TRAPPC12: variants seen among roughly 807,000 people sequenced by gnomAD.
The protein encoded by TRAPPC12 is TPR repeat protein 15.
A neutral mutation model predicts 69.2 loss-of-function variants in TRAPPC12; 61 were observed. The ratio of observed to expected loss-of-function variants is 0.88; its 90% confidence interval spans 0.72 to 1.09. TRAPPC12 has a LOEUF of 1.09. Among genes scored for constraint, TRAPPC12 ranks in the 50% least tolerant of loss-of-function variants. The pLI is 0.00. For synonymous variants in TRAPPC12, 469 were observed against 438.9 expected, an observed-to-expected ratio of 1.07 and a Z score of -0.86; for missense variants, 1,101 against 1,016.4, an observed-to-expected ratio of 1.08 and a Z score of -1.13.
At chr2:3,465,341 G>A (rs1008928791) in intron 8 of TRAPPC12, among the ~76,000 whole-genome samples, 2 of 152,268 alleles carry the variant, frequency 1.3e-5, no homozygotes, top group South Asian at 2.1e-4. Flanking sequence ...CAACTAAACC[G>A]CGACAGCCCC....
intron 3 of TRAPPC12, among the ~76,000 whole-genome samples, chr2:3,402,336 A>T (rs1162617973): frequency 6.6e-6 from 1 of 152,212 alleles, no homozygotes; most frequent in Non-Finnish European, 1.5e-5. Context: ...TCACACCTGT[A>T]ATCCCAGCAC....
At chr2:3,412,704 C>T (rs936385300) in intron 3 of TRAPPC12, among the ~76,000 whole-genome samples, 1 of 152,150 alleles carries the variant, frequency 6.6e-6, no homozygotes, top group Non-Finnish European at 1.5e-5. Flanking sequence ...TCATCTAGAA[C>T]GGATTCATGT....
intron 6 of TRAPPC12, among the ~76,000 whole-genome samples, chr2:3,447,529 A>T (rs1037889831): frequency 5.9e-5 from 9 of 152,142 alleles, no homozygotes; most frequent in Admixed American, 3.3e-4. Context: ...AAGGTAACTA[A>T]CAGAGCCAGA....
At chr2:3,411,426 A>C (rs2103490856) in intron 3 of TRAPPC12, among the ~76,000 whole-genome samples, 1 of 152,312 alleles carries the variant, frequency 6.6e-6, no homozygotes, top group East Asian at 1.9e-4. Context: ...CTCCCTTCAC[A>C]AATAGCAAGT....
chr2:3,381,318 T>G (rs945007181), intron 1 of TRAPPC12, among the ~76,000 whole-genome samples: 2 of 152,254 alleles, frequency 1.3e-5, no homozygotes, highest in African/African-American at 4.8e-5. Flanking sequence ...GTAAAAGATA[T>G]GTTTACAGAG....
chr2:3,398,971 C>T (rs1263750740), intron 2 of TRAPPC12, among the ~76,000 whole-genome samples: 1 of 152,196 alleles, frequency 6.6e-6, no homozygotes, highest in African/African-American at 2.4e-5. Context: ...CCCTCCCCCT[C>T]CCACCTCCCC....
intron 4 of TRAPPC12, among the ~76,000 whole-genome samples, chr2:3,423,406 T>C (rs1452255560): frequency 1.3e-5 from 2 of 152,120 alleles, no homozygotes; most frequent in African/African-American, 2.4e-5. Context: ...ATTGTAACTG[T>C]GTCACCACGT....
intron 1 of TRAPPC12, among the ~76,000 whole-genome samples, chr2:3,387,308 T>C (rs776874922): frequency 7.2e-5 from 11 of 152,166 alleles, no homozygotes; most frequent in South Asian, 4.1e-4. Flanking sequence ...ATTCCACTTA[T>C]TTTATAGTAG....
At position 3,467,009 on chromosome 2, in the gene TRAPPC12, A is replaced by G. The variant is rs1398786294; in HGVS notation, c.1776+1314A>G. ...TTATTTCAGAGTCATATTTTGCACA[A>G]TTTGAGAAGTAGATGCTGAATTGCT... On this transcript the variant is annotated intron_variant, in intron 9 of 11. Transcript: ENST00000324266. Among the ~76,000 whole-genome samples the G allele has an allele frequency of 3.9e-5, 6 of 152,168 alleles. No homozygotes were observed. In the South Asian group the frequency reaches 6.2e-4, roughly 16 times the overall value.
chr2:3,477,583 G>A, intron 9 of TRAPPC12, 112 bp from the exon 10 acceptor site: 2 of 570,780 alleles, frequency 3.5e-6, no homozygotes, highest in Middle Eastern at 4.7e-4. Context: ...GTTTTCCTCT[G>A]CCTGACATAT....
chr2:3,445,536 T>C (rs1664460216), intron 6 of TRAPPC12, among the ~76,000 whole-genome samples: 2 of 152,220 alleles, frequency 1.3e-5, no homozygotes, highest in South Asian at 2.1e-4. Context: ...CAGACACCTT[T>C]GTTGCATTCA....
Position 3,477,695 on chromosome 2 carries a change from A to C in TRAPPC12, c.1777A>C (p.Ile593Leu), listed in dbSNP as rs1280842286. 16 of 1,601,070 alleles carry C rather than the reference A, an allele frequency of 1.0e-5. No individual in the cohort carries two copies. Among genetic ancestry groups the C allele is most frequent in the Non-Finnish European group, 1.3e-5 (15 of 1,174,022 alleles). The change falls in exon 10 of 12, where the codon ATT (isoleucine) becomes CTT (leucine). Residue 593 changes from isoleucine (I) to leucine (L), a missense_variant and splice_region_variant. Physicochemically the swap from Ile to Leu is conservative, Grantham distance 5. Coordinates refer to ENST00000324266, the MANE Select transcript of TRAPPC12 (RefSeq NM_016030.6). The part of the protein sequence containing the change: ...LSGIGRISLQ[I>L]GDIKTAEKYF... ...AACTGACTAAATTTTGTCAAAGCAG[A>C]TTGGAGACATAAAAACAGCTGAAAA... is the stretch of plus-strand genomic sequence containing the variant.
chr2:3,380,283 C>T (rs1409633978), intron 1 of TRAPPC12, among the ~76,000 whole-genome samples: 1 of 152,096 alleles, frequency 6.6e-6, no homozygotes, highest in East Asian at 1.9e-4. Context: ...ATTCACCCTC[C>T]CGCGGAAAGA....
At chr2:3,432,889 G>T (rs937265652) in intron 5 of TRAPPC12, among the ~76,000 whole-genome samples, 1 of 152,240 alleles carries the variant, frequency 6.6e-6, no homozygotes, top group Non-Finnish European at 1.5e-5. Context: ...GCCACACGTG[G>T]ATTGCACATG....
At chr2:3,398,325 T>C (rs923313492) in intron 2 of TRAPPC12, among the ~76,000 whole-genome samples, 1 of 152,200 alleles carries the variant, frequency 6.6e-6, no homozygotes, top group Non-Finnish European at 1.5e-5. Context: ...TCCCCACCAA[T>C]GATGTGGTGT....
chr2:3,478,827 A>C lies in TRAPPC12; in HGVS notation c.1878-19A>C. On this transcript the variant is annotated intron_variant, in intron 10 of 11. Coordinates refer to ENST00000324266, the MANE Select transcript of TRAPPC12 (RefSeq NM_016030.6). ...TCCTGGGCTTTCCCCGCTAACTGCC[A>C]CCGTTGCTTGTGTTACAGCGCGTTC... The C allele has an allele frequency of 6.2e-7, 1 of 1,612,704 alleles. No homozygotes were observed. Among genetic ancestry groups the C allele is most frequent in the Non-Finnish European group, 8.5e-7 (1 of 1,179,014 alleles).
At chr2:3,391,822 G>A (rs905694751) in intron 2 of TRAPPC12, among the ~76,000 whole-genome samples, 1 of 151,928 alleles carries the variant, frequency 6.6e-6, no homozygotes, top group Non-Finnish European at 1.5e-5. Context: ...TCTGCTCCAT[G>A]TTTCTTCCCT....
At chr2:3,406,781 G>T (rs1661757980) in intron 3 of TRAPPC12, among the ~76,000 whole-genome samples, 1 of 151,956 alleles carries the variant, frequency 6.6e-6, no homozygotes, top group Admixed American at 6.6e-5. Context: ...TATAATAATG[G>T]GTTTAAAAAT....
At chr2:3,466,344 T>C (rs7593516) in intron 9 of TRAPPC12, 212,625 of 470,906 alleles carry the variant, frequency 0.45, 52,275 homozygotes, top group African/African-American at 0.8. Context: ...GAGCAAGGGA[T>C]GGCTGAGCGG....
Sources: gnomAD v4.1 joint callset for allele counts (sites outside exome capture counted in the v4.1 genomes callset) on GRCh38, gnomAD v4.1.1 for gene constraint, MANE v1.5 for transcripts, NCBI Gene and HGNC (gene_info 2026-07-23, HGNC 2026-07-21) for gene names.